Variants in KAZN observed in about 807,000 individuals in gnomAD.
The protein encoded by KAZN is kazrin.
A neutral mutation model predicts 87.4 loss-of-function variants in KAZN; 40 were observed. The observed-to-expected ratio is 0.46, with a 90% CI of 0.36 to 0.60. The LOEUF is 0.60. Ranked by LOEUF, KAZN falls within the 20% of genes least tolerant of loss-of-function variation. The probability of loss-of-function intolerance (pLI) is 0.00; values close to 1 mark genes in which losing one functional copy is unlikely to be tolerated. For synonymous variants in KAZN, 466 were observed against 458.3 expected, an observed-to-expected ratio of 1.02 and a Z score of -0.22; for missense variants, 898 against 1,073.9, an observed-to-expected ratio of 0.84 and a Z score of 2.29.
In KAZN at chr1:13,983,013, A is replaced by G. The variant is rs1018115854; in HGVS notation, c.91+89257A>G. On this transcript the variant is annotated intron_variant, in intron 1 of 16. Transcript: ENST00000636203. Reference sequence around the variant, plus strand: ...GGTTTACAAACCTTGAGCTAGATACAGAGTGCCCATTGGTGTATTTACAAT... The same window carrying G: ...GGTTTACAAACCTTGAGCTAGATACGGAGTGCCCATTGGTGTATTTACAAT... Among the ~76,000 whole-genome samples, 9 of 152,338 alleles carry G rather than the reference A, an allele frequency of 5.9e-5. No individual in the cohort carries two copies. The South Asian group carries it at 1.9e-3, about 32-fold the overall frequency.
At chr1:14,030,624 A>G (rs907989542) in intron 1 of KAZN, among the ~76,000 whole-genome samples, 1 of 135,554 alleles carries the variant, frequency 7.4e-6, no homozygotes, top group Non-Finnish European at 1.6e-5. Flanking sequence ...AAAATTGGCA[A>G]TGTACACAGA....
In KAZN at chr1:14,145,469, C is replaced by T. The variant is rs188175119; in HGVS notation, c.92-34966C>T. Among the ~76,000 whole-genome samples the T allele has an allele frequency of 5.3e-5, 8 of 152,200 alleles. No homozygotes were observed. The East Asian group carries it at 1.4e-3, about 26-fold the overall frequency. Reference sequence around the variant, plus strand: ...TGAAAAAAAGACACACACACACACCCACACCCCCACACACACTATTCTTTG... The same window carrying T: ...TGAAAAAAAGACACACACACACACCTACACCCCCACACACACTATTCTTTG... On this transcript the variant is annotated intron_variant, in intron 1 of 16. Transcript: ENST00000636203.
Position 13,917,078 on chromosome 1 carries a change from T to TTG in KAZN, c.91+23337_91+23338dup, listed in dbSNP as rs149117464. 1.3e-3 allele frequency among the ~76,000 whole-genome samples: 195 copies of TTG among 151,660 alleles called. 1 individual carries two copies. The highest frequency in any genetic ancestry group is 4.0e-3 in the African/African-American group (167 of 41,356). ...CTTCCATTCCCCTTGAAGTATGTGT[T>TTG]TGTGTGTGTGTGTGTGCACACGTGC... On this transcript the variant is annotated intron_variant, in intron 1 of 16. Coordinates refer to the KAZN transcript ENST00000636203.
At chr1:14,262,339 AC>A (rs1651104938) in intron 2 of KAZN, among the ~76,000 whole-genome samples, 1 of 152,226 alleles carries the variant, frequency 6.6e-6, no homozygotes, top group Non-Finnish European at 1.5e-5. Flanking sequence ...CTCTTAGATG[AC>A]TAAAATTGGT....
At chr1:13,953,071 A>G (rs1012445334) in intron 1 of KAZN, among the ~76,000 whole-genome samples, 94 of 152,186 alleles carry the variant, frequency 6.2e-4, no homozygotes, top group African/African-American at 2.1e-3. Flanking sequence ...AAGTAGAAGC[A>G]ACAGAACAGG....
At chr1:14,266,566 C>T (rs369910226) in intron 2 of KAZN, among the ~76,000 whole-genome samples, 1 of 152,210 alleles carries the variant, frequency 6.6e-6, no homozygotes, top group South Asian at 2.1e-4. Flanking sequence ...TTTACGCACA[C>T]TTAAGAAAGC....
intron 1 of KAZN, among the ~76,000 whole-genome samples, chr1:14,871,997 T>G (rs1652196672): frequency 6.6e-6 from 1 of 152,084 alleles, no homozygotes; most frequent in Non-Finnish European, 1.5e-5. Flanking sequence ...GAAGGGGGCA[T>G]GAATATGCGC....
rs1385064584 is a variant in KAZN at position 14,184,417 on chromosome 1, T to A, written c.249+3825T>A. Among the ~76,000 whole-genome samples, 1 of 152,210 alleles carries A rather than the reference T, an allele frequency of 6.6e-6. No individual in the cohort carries two copies. Among genetic ancestry groups the A allele is most frequent in the East Asian group, 1.9e-4 (1 of 5,184 alleles). ...TTCCTTCTCTTCCTTCCCTTTCCTG[T>A]TCTTTCCTTGTCTGTCTTTCTTTCT... On this transcript the variant is annotated intron_variant, in intron 2 of 16. Coordinates refer to the KAZN transcript ENST00000636203. This position sits in a 1 kb window ranked among gnomAD's most constrained non-coding sequence, Gnocchi z 4.2.
chr1:14,542,450 A>T (rs975551461), intron 2 of KAZN, among the ~76,000 whole-genome samples: 5 of 152,116 alleles, frequency 3.3e-5, no homozygotes, highest in South Asian at 2.1e-4. Context: ...GTAATAATAA[A>T]AAAAAAGAAC....
intron 2 of KAZN, among the ~76,000 whole-genome samples, chr1:14,361,834 C>T (rs1259859534): frequency 1.3e-5 from 2 of 152,196 alleles, no homozygotes; most frequent in African/African-American, 4.8e-5. Context: ...CCTATTCGGC[C>T]ATCTTGAGTC....
chr1:14,832,694 T>C (rs375079230), intron 1 of KAZN, among the ~76,000 whole-genome samples: 2 of 152,222 alleles, frequency 1.3e-5, no homozygotes, highest in African/African-American at 4.8e-5. Context: ...CCTGGGCTAA[T>C]GCACAGCCCA....
chr1:15,053,689 A>T (rs1674653288), intron 4 of KAZN, among the ~76,000 whole-genome samples: 1 of 152,204 alleles, frequency 6.6e-6, no homozygotes, highest in South Asian at 2.1e-4. Context: ...TGGAGAAGTC[A>T]CTAAACCTCT....
chr1:14,660,466 T>A (rs933733172), intron 1 of KAZN, among the ~76,000 whole-genome samples: 18 of 151,914 alleles, frequency 1.2e-4, no homozygotes, highest in African/African-American at 4.1e-4. Flanking sequence ...TCATCACAGA[T>A]CTTTTGCACC....
chr1:14,144,868 A>T (rs934340830), intron 1 of KAZN, among the ~76,000 whole-genome samples: 1 of 152,048 alleles, frequency 6.6e-6, no homozygotes, highest in African/African-American at 2.4e-5. Flanking sequence ...GAACACACTC[A>T]CCCCACAGGA....
chr1:14,492,062 G>A (rs1380873369), intron 2 of KAZN, among the ~76,000 whole-genome samples: 1 of 152,170 alleles, frequency 6.6e-6, no homozygotes, highest in African/African-American at 2.4e-5. Flanking sequence ...TGTGCTGGAA[G>A]GGGTACATTC....
chr1:15,017,509 G>A (rs1337960241), intron 2 of KAZN, among the ~76,000 whole-genome samples: 2 of 151,840 alleles, frequency 1.3e-5, no homozygotes, highest in African/African-American at 4.8e-5. Flanking sequence ...TGAATTTAAA[G>A]CCTTAGCATT....
intron 13 of KAZN, among the ~76,000 whole-genome samples, chr1:15,110,091 ATGTG>A (rs1247659334): frequency 2.6e-4 from 37 of 144,078 alleles, no homozygotes; most frequent in African/African-American, 7.1e-4. Context: ...GTGTATATGT[ATGTG>A]TGTATGTGCG....
At chr1:13,922,224 A>G (rs1640094983) in intron 1 of KAZN, among the ~76,000 whole-genome samples, 1 of 152,112 alleles carries the variant, frequency 6.6e-6, no homozygotes, top group Non-Finnish European at 1.5e-5. Context: ...TTTACAGATC[A>G]TCGGTCCCCC....
intron 2 of KAZN, among the ~76,000 whole-genome samples, chr1:14,467,811 C>T (rs1436354578): frequency 6.6e-6 from 1 of 152,106 alleles, no homozygotes; most frequent in Non-Finnish European, 1.5e-5. Flanking sequence ...GTTTCAGCCT[C>T]TCATGATGGC....
Sources: gnomAD v4.1 joint callset for allele counts (sites outside exome capture counted in the v4.1 genomes callset) on GRCh38, gnomAD v4.1.1 for gene constraint, Gnocchi (gnomAD v3.1) non-coding constraint, MANE v1.5 for transcripts, NCBI Gene and HGNC (gene_info 2026-07-23, HGNC 2026-07-21) for gene names.